The following DOCK4 variants were observed in gnomAD, a reference collection of about 807,000 sequenced individuals.
The protein encoded by DOCK4 is dedicator of cytokinesis 4.
In DOCK4, 97 loss-of-function variants were observed where a neutral mutation model predicts 268.1. That is an observed-to-expected ratio of 0.36 (90% CI 0.31 to 0.43). The LOEUF (loss-of-function observed/expected upper bound fraction) is 0.43, where lower values mean the gene tolerates loss of function less well. Ranked by LOEUF, DOCK4 falls within the 20% of genes least tolerant of loss-of-function variation. The pLI is 1.00. For synonymous variants in DOCK4, 954 were observed against 887.2 expected (o/e 1.08, Z -1.34); for missense variants, 2,145 against 2,455.7 (o/e 0.87, Z 2.67).
intron 1 of DOCK4, among the ~76,000 whole-genome samples, chr7:112,137,047 C>T (rs947722745): frequency 2.0e-5 from 3 of 151,952 alleles, no homozygotes; most frequent in African/African-American, 4.8e-5. Context: ...CTACCAACCA[C>T]GTTTAGAATG....
intron 1 of DOCK4, among the ~76,000 whole-genome samples, chr7:112,062,799 C>A (rs994707874): frequency 3.3e-5 from 5 of 152,146 alleles, no homozygotes; most frequent in African/African-American, 1.2e-4. Context: ...CCTGCCTCAG[C>A]CTCGAGTAGC....
chr7:112,148,518 C>T (rs185084743), intron 1 of DOCK4, among the ~76,000 whole-genome samples: 16 of 150,084 alleles, frequency 1.1e-4, no homozygotes, highest in Admixed American at 6.0e-4. Flanking sequence ...ATTAATAACA[C>T]TGAATAATAG....
chr7:111,790,502 A>G lies in DOCK4; in HGVS notation c.3270T>C (p.His1090=), dbSNP rs1045129986. ...DLRNVMIPIF[H]DMMDWEQRRS... ...GCCTCTGCTCCCAGTCCATCATATC[A>G]TGAAAAATTGGAATCATGACATTCC... is the stretch of plus-strand genomic sequence containing the variant. The change falls in exon 31 of 53, where the codon CAT becomes CAC. Residue 1090 remains histidine, a synonymous_variant. Coordinates refer to ENST00000428084, the MANE Select transcript of DOCK4 (RefSeq NM_001363540.2). 1.2e-6 allele frequency: 2 copies of G among 1,613,834 alleles called. No homozygotes were observed. Among genetic ancestry groups the G allele is most frequent in the African/African-American group, 2.7e-5 (2 of 74,928 alleles).
intron 1 of DOCK4, among the ~76,000 whole-genome samples, chr7:112,060,141 A>C (rs1177634356): frequency 6.6e-6 from 1 of 152,212 alleles, no homozygotes; most frequent in East Asian, 1.9e-4. Context: ...CTTGAAGAGA[A>C]AAAGAATAGA....
intron 6 of DOCK4, among the ~76,000 whole-genome samples, chr7:111,988,462 C>A (rs1005407694): frequency 1.3e-5 from 2 of 152,138 alleles, no homozygotes; most frequent in African/African-American, 2.4e-5. Flanking sequence ...AAAAATAAAT[C>A]TCGGTCAAGA....
chr7:112,177,926 G>C (rs1180240253), intron 1 of DOCK4, among the ~76,000 whole-genome samples: 1 of 152,176 alleles, frequency 6.6e-6, no homozygotes, highest in Non-Finnish European at 1.5e-5. Context: ...CTGGCCACGA[G>C]CTCTCATCTG....
chr7:112,206,231 G>T lies in DOCK4; in HGVS notation c.-93C>A. On this transcript the variant is annotated 5_prime_UTR_variant, in exon 1 of 53. Coordinates refer to ENST00000428084, the MANE Select transcript of DOCK4 (RefSeq NM_001363540.2). ...CACAGTCCCCGAGCAGCGCTGCAGTGCCGGAGCCCAGCGGCTTCGCGCGGG... is the reference window on the plus strand; with the variant it reads ...CACAGTCCCCGAGCAGCGCTGCAGTTCCGGAGCCCAGCGGCTTCGCGCGGG... 7.2e-7 allele frequency: 1 copy of T among 1,396,928 alleles called. No individual in the cohort carries two copies. Among genetic ancestry groups the T allele is most frequent in the Non-Finnish European group, 9.9e-7 (1 of 1,012,806 alleles). 86.5% of individuals were successfully genotyped at this position (1,396,928 alleles called of 1,614,324 possible).
At chr7:112,137,457 TCA>T (rs764997818) in intron 1 of DOCK4, among the ~76,000 whole-genome samples, 27 of 151,928 alleles carry the variant, frequency 1.8e-4, no homozygotes, top group Middle Eastern at 6.8e-3. Context: ...TGGTCCGAGA[TCA>T]CACACAGGAC....
At chr7:112,179,272 G>C (rs774539478) in intron 1 of DOCK4, among the ~76,000 whole-genome samples, 8 of 151,938 alleles carry the variant, frequency 5.3e-5, no homozygotes, top group Non-Finnish European at 1.2e-4. Flanking sequence ...TGTAATCCCA[G>C]CTACTCTGGG....
chr7:111,815,635 C>T (rs1801485430), intron 27 of DOCK4, among the ~76,000 whole-genome samples: 1 of 148,288 alleles, frequency 6.7e-6, no homozygotes, highest in East Asian at 2.0e-4. Flanking sequence ...TCCCCTCCCC[C>T]ATCCCCTCCC....
intron 13 of DOCK4, 79 bp downstream of exon 13, chr7:111,915,700 A>G: frequency 2.7e-6 from 4 of 1,507,764 alleles, no homozygotes. Context: ...CAAAGCTGGC[A>G]ATTTGAAAAA....
intron 44 of DOCK4, among the ~76,000 whole-genome samples, chr7:111,743,567 C>T (rs560528973): frequency 3.9e-5 from 6 of 152,288 alleles, no homozygotes; most frequent in African/African-American, 1.4e-4. Context: ...GCAGAGGCCC[C>T]CAGTCTTCTC....
intron 1 of DOCK4, among the ~76,000 whole-genome samples, chr7:112,190,430 C>T (rs897646934): frequency 6.6e-6 from 1 of 152,078 alleles, no homozygotes; most frequent in Non-Finnish European, 1.5e-5. Context: ...ACAGACATTG[C>T]AGTTAGGTTT....
intron 23 of DOCK4, among the ~76,000 whole-genome samples, chr7:111,856,181 A>T (rs1804994440): frequency 6.6e-6 from 1 of 152,208 alleles, no homozygotes; most frequent in African/African-American, 2.4e-5. Context: ...GAAATGATAC[A>T]GGTGTCACCC....
At chr7:112,015,950 A>C (rs2135385797) in intron 1 of DOCK4, among the ~76,000 whole-genome samples, 1 of 152,326 alleles carries the variant, frequency 6.6e-6, no homozygotes, top group African/African-American at 2.4e-5. Flanking sequence ...ACAAGGGAGG[A>C]GTCCCCATGG....
intron 16 of DOCK4, among the ~76,000 whole-genome samples, chr7:111,888,963 G>A (rs866622737): frequency 1.5e-4 from 23 of 152,216 alleles, no homozygotes; most frequent in Middle Eastern, 3.4e-3. Flanking sequence ...CAGCTATACA[G>A]GAAGCCCTCT....
chr7:111,960,938 A>C (rs1796830392), intron 8 of DOCK4, among the ~76,000 whole-genome samples: 1 of 152,212 alleles, frequency 6.6e-6, no homozygotes, highest in Admixed American at 6.5e-5. Context: ...GTTGATGGAC[A>C]CTTATGTTGA....
At chr7:111,823,905 C>G (rs1563553749) in intron 26 of DOCK4, among the ~76,000 whole-genome samples, 1 of 152,144 alleles carries the variant, frequency 6.6e-6, no homozygotes. Flanking sequence ...AATCTAAAAA[C>G]TAAAAACCAT....
chr7:111,887,958 C>CT (rs1010871828), intron 16 of DOCK4, among the ~76,000 whole-genome samples: 7 of 151,692 alleles, frequency 4.6e-5, no homozygotes, highest in African/African-American at 1.7e-4. Context: ...GACAGGAAGC[C>CT]GGAAGGAAAG....
Sources: allele counts gnomAD v4.1 joint callset (sites outside exome capture counted in the v4.1 genomes callset), GRCh38; gene constraint gnomAD v4.1.1; transcripts MANE v1.5; gene names NCBI Gene and HGNC (gene_info 2026-07-23, HGNC 2026-07-21).